Variants in CACNA2D3 observed in about 807,000 individuals in gnomAD.
The protein encoded by CACNA2D3 is voltage-dependent calcium channel subunit alpha-2/delta-3.
CACNA2D3 carries 60 observed loss-of-function variants against 160.6 expected under a neutral mutation model. The ratio of observed to expected loss-of-function variants is 0.37; its 90% confidence interval spans 0.30 to 0.46. The LOEUF (loss-of-function observed/expected upper bound fraction) is 0.46, where lower values mean the gene tolerates loss of function less well. CACNA2D3 is among the 20% of genes least tolerant of loss of function. CACNA2D3 has a pLI of 1.00. For synonymous variants in CACNA2D3, 558 were observed against 492.9 expected (o/e 1.13, Z -1.75); for missense variants, 1,205 against 1,365.0 (o/e 0.88, Z 1.85).
At chr3:54,749,006 A>G (rs1239686980) in intron 11 of CACNA2D3, among the ~76,000 whole-genome samples, 1 of 152,218 alleles carries the variant, frequency 6.6e-6, no homozygotes, top group East Asian at 1.9e-4. Flanking sequence ...TAATTTCCAC[A>G]TGTCATCTCT....
intron 20 of CACNA2D3, among the ~76,000 whole-genome samples, chr3:54,880,093 A>G (rs1387887124): frequency 1.3e-5 from 2 of 152,242 alleles, no homozygotes; most frequent in African/African-American, 4.8e-5. Flanking sequence ...TCTGAAAAAT[A>G]AATTCTAGCA....
intron 9 of CACNA2D3, among the ~76,000 whole-genome samples, chr3:54,605,329 C>G (rs1427775): frequency 6.6e-6 from 1 of 152,146 alleles, no homozygotes; most frequent in Non-Finnish European, 1.5e-5. Flanking sequence ...AACCCACATG[C>G]CTAATGATGG....
At chr3:55,013,208 G>C (rs1482062466) in intron 34 of CACNA2D3, among the ~76,000 whole-genome samples, 4 of 152,102 alleles carry the variant, frequency 2.6e-5, no homozygotes, top group African/African-American at 9.7e-5. Context: ...CATACCTGAG[G>C]GGTGGGGACT....
At chr3:54,960,642 T>G (rs568890234) in intron 27 of CACNA2D3, among the ~76,000 whole-genome samples, 1 of 152,340 alleles carries the variant, frequency 6.6e-6, no homozygotes, top group African/African-American at 2.4e-5. Flanking sequence ...AGAAAGCTTT[T>G]GAATTTGCCA....
chr3:55,048,279 G>A (rs1297558782), intron 35 of CACNA2D3, among the ~76,000 whole-genome samples: 35 of 138,632 alleles, frequency 2.5e-4, no homozygotes, highest in African/African-American at 7.6e-4. Flanking sequence ...CGTCCCATCA[G>A]TACCTAATTT....
Position 54,350,929 on chromosome 3 carries a change from G to C in CACNA2D3, c.321+30371G>C, listed in dbSNP as rs571701065. 2.9e-3 allele frequency among the ~76,000 whole-genome samples: 424 copies of C among 144,774 alleles called. 3 individuals carry two copies. Among genetic ancestry groups the C allele is most frequent in the African/African-American group, 9.8e-3 (388 of 39,594 alleles). 95.0% of individuals were successfully genotyped at this position (144,774 alleles called of 152,430 possible). On this transcript the variant is annotated intron_variant, in intron 3 of 37. Coordinates refer to ENST00000474759, the MANE Select transcript of CACNA2D3 (RefSeq NM_018398.3). ...ACAGAAGCTGTTTGCTTCTAGGTCA[G>C]ATGTTTCCATACTGCTTGGATTTTG...
intron 9 of CACNA2D3, chr3:54,626,368 C>T: frequency 1.3e-6 from 2 of 1,562,046 alleles, no homozygotes; most frequent in African/African-American, 2.7e-5. Context: ...GCGGCGGAAG[C>T]AGCACTCCCT....
intron 2 of CACNA2D3, among the ~76,000 whole-genome samples, chr3:54,202,238 G>A (rs745529447): frequency 2.0e-5 from 3 of 152,206 alleles, no homozygotes; most frequent in Non-Finnish European, 4.4e-5. Context: ...CCTGGGACCA[G>A]CTGCCCTGAA....
intron 16 of CACNA2D3, among the ~76,000 whole-genome samples, chr3:54,845,723 A>G (rs1448295292): frequency 6.6e-6 from 1 of 152,256 alleles, no homozygotes; most frequent in Non-Finnish European, 1.5e-5. Context: ...CCATAGTCCC[A>G]TTTAGTCAGA....
chr3:54,157,652 A>G (rs1310732469), intron 2 of CACNA2D3, among the ~76,000 whole-genome samples: 1 of 152,126 alleles, frequency 6.6e-6, no homozygotes, highest in Non-Finnish European at 1.5e-5. Context: ...TTAGCCGAGC[A>G]TGGTGGTGCA....
chr3:54,706,527 C>A (rs895216054), intron 11 of CACNA2D3, among the ~76,000 whole-genome samples: 1 of 152,166 alleles, frequency 6.6e-6, no homozygotes, highest in Admixed American at 6.5e-5. Context: ...TGGTATCTAT[C>A]CTCAGGCTTT....
chr3:54,554,187 C>T (rs1362834782), intron 5 of CACNA2D3, among the ~76,000 whole-genome samples: 1 of 152,154 alleles, frequency 6.6e-6, no homozygotes, highest in Non-Finnish European at 1.5e-5. Context: ...TCATCTTTGA[C>T]CACCCAATTT....
chr3:54,288,786 G>A (rs1011723165), intron 2 of CACNA2D3, among the ~76,000 whole-genome samples: 2 of 152,098 alleles, frequency 1.3e-5, no homozygotes, highest in African/African-American at 2.4e-5. Context: ...ATCAATAAAT[G>A]TAATCCAGCA....
Position 54,459,539 on chromosome 3 carries a change from T to C in CACNA2D3, c.382-43953T>C, listed in dbSNP as rs1003458326. ...GATGGCCAGTGATGATGAGCATTTT[T>C]TCATGTGTCTTTTGGCTACATAAAT... On this transcript the variant is annotated intron_variant, in intron 4 of 37. Transcript: ENST00000474759. 7.9e-5 allele frequency among the ~76,000 whole-genome samples: 12 copies of C among 152,274 alleles called. No individual in the cohort carries two copies. In the East Asian group the frequency reaches 1.2e-3, roughly 15 times the overall value.
At chr3:54,531,254 T>C (rs1701801734) in intron 5 of CACNA2D3, among the ~76,000 whole-genome samples, 2 of 152,236 alleles carry the variant, frequency 1.3e-5, no homozygotes, top group African/African-American at 4.8e-5. Context: ...GATTATCACG[T>C]CTGCACACCT....
intron 4 of CACNA2D3, among the ~76,000 whole-genome samples, chr3:54,405,576 T>C (rs561095616): frequency 5.3e-5 from 8 of 152,022 alleles, no homozygotes; most frequent in African/African-American, 1.9e-4. Flanking sequence ...TCAAAATGGA[T>C]GAAAGACCTA....
chr3:54,357,040 C>T (rs1184317404), intron 3 of CACNA2D3, among the ~76,000 whole-genome samples: 4 of 152,238 alleles, frequency 2.6e-5, no homozygotes, highest in South Asian at 2.1e-4. Context: ...GGGGACTCAC[C>T]GTGAAAGGTG....
chr3:54,557,532 C>T (rs1702259208), intron 5 of CACNA2D3, among the ~76,000 whole-genome samples: 1 of 152,166 alleles, frequency 6.6e-6, no homozygotes, highest in South Asian at 2.1e-4. Flanking sequence ...AACTGTTTGA[C>T]TCCTTAACAT....
At chr3:54,819,540 C>A (rs1408159187) in intron 14 of CACNA2D3, among the ~76,000 whole-genome samples, 1 of 152,096 alleles carries the variant, frequency 6.6e-6, no homozygotes, top group African/African-American at 2.4e-5. Context: ...GTGCTCCCCC[C>A]ATTTCATTAG....
Sources: gnomAD v4.1 joint callset for allele counts (sites outside exome capture counted in the v4.1 genomes callset) on GRCh38, gnomAD v4.1.1 for gene constraint, MANE v1.5 for transcripts, NCBI Gene and HGNC (gene_info 2026-07-23, HGNC 2026-07-21) for gene names.